Variants in TMPRSS11A observed in about 807,000 individuals in gnomAD.
TMPRSS11A encodes transmembrane protease serine 11A.
In TMPRSS11A, 53 loss-of-function variants were observed where a neutral mutation model predicts 58.9. The ratio of observed to expected loss-of-function variants is 0.90; its 90% CI spans 0.72 to 1.13. TMPRSS11A has a LOEUF of 1.13. TMPRSS11A is among the 50% of genes most tolerant of loss of function. TMPRSS11A has a pLI of 0.00. For missense variants in TMPRSS11A, 493 were observed against 499.3 expected (o/e 0.99, Z 0.12); for synonymous variants, 167 against 169.8 (o/e 0.98, Z 0.13).
In TMPRSS11A at chr4:67,941,536, A is replaced by G. The variant is rs61494642; in HGVS notation, c.252+2983T>C. ...TGTGTGTTACTCACATCTTTCCAAA[A>G]AGATTGGAAGCAATTTGAGGAGACA... On this transcript the variant is annotated intron_variant, in intron 3 of 9. Transcript: ENST00000508048. 8.9e-4 allele frequency among the ~76,000 whole-genome samples: 136 copies of G among 152,316 alleles called. 1 individual carries two copies. Among genetic ancestry groups the G allele is most frequent in the African/African-American group, 3.1e-3 (127 of 41,570 alleles).
In TMPRSS11A at chr4:67,922,846, G is replaced by C; in HGVS notation, c.601C>G (p.Gln201Glu). The C allele has an allele frequency of 3.7e-6, 6 of 1,614,122 alleles. No individual in the cohort carries two copies. Among genetic ancestry groups the C allele is most frequent in the Non-Finnish European group, 5.1e-6 (6 of 1,179,976 alleles). ...VIAPKAAWPW[Q>E]ASLQYDNIHQ... ...ATGTTATCATACTGAAGGGAAGCTT[G>C]CCAAGGCCAGGCCGCCTTGGGTGCA... Residue 201 changes from glutamine to glutamate, a missense_variant, in exon 7 of 10, where the codon CAA becomes GAA. By Grantham distance (29) the Gln-to-Glu change is conservative. Coordinates refer to ENST00000508048, the MANE Select transcript of TMPRSS11A (RefSeq NM_001114387.2).
At chr4:67,944,707 GC>G (rs1720961216) in intron 2 of TMPRSS11A, 70 bp from the exon 3 acceptor site, 1 of 1,310,986 alleles carries the variant, frequency 7.6e-7, no homozygotes, top group Admixed American at 2.1e-5. Flanking sequence ...TTACAATGGG[GC>G]CAATATAAAT....
rs1217910573 is a variant in TMPRSS11A, at chr4:67,922,791, T to C, written c.656A>G (p.Asn219Ser). The C allele has an allele frequency of 6.2e-7, 1 of 1,614,106 alleles. No homozygotes were observed. The highest frequency in any genetic ancestry group is 1.7e-5 in the Admixed American group (1 of 60,016). Reference sequence around the variant, plus strand: ...GTGTGCTGCAGTGACAAGCCATGTGTTACTAATCAAGGTGGCCCCACACTG... The same window carrying C: ...GTGTGCTGCAGTGACAAGCCATGTGCTACTAATCAAGGTGGCCCCACACTG... Reference protein sequence around the residue: ...IHQCGATLISNTWLVTAAHCF... With the variant: ...IHQCGATLISSTWLVTAAHCF... The change falls in exon 7 of 10, where the codon AAC (asparagine) becomes AGC (serine). Residue 219 changes from asparagine (N) to serine (S), a missense_variant. By Grantham distance (46) the Asn-to-Ser change is conservative. Transcript: ENST00000508048.
chr4:67,913,204 C>T (rs986064194), intron 9 of TMPRSS11A, among the ~76,000 whole-genome samples: 4 of 152,070 alleles, frequency 2.6e-5, no homozygotes, highest in Non-Finnish European at 5.9e-5. Context: ...CCCAAGAGTT[C>T]ATAGGTTGGG....
intron 1 of TMPRSS11A, among the ~76,000 whole-genome samples, chr4:67,957,594 T>C (rs1721317528): frequency 6.6e-6 from 1 of 152,310 alleles, no homozygotes; most frequent in South Asian, 2.1e-4. Flanking sequence ...TTGGGTGCTA[T>C]TAAGGCATTC....
intron 1 of TMPRSS11A, among the ~76,000 whole-genome samples, chr4:67,953,795 C>CA (rs11420763): frequency 0.31 from 44,296 of 143,992 alleles, 7,342 homozygotes; most frequent in East Asian, 0.5. Context: ...AACTCCATCT[C>CA]AAAAAAAAAA....
intron 3 of TMPRSS11A, among the ~76,000 whole-genome samples, chr4:67,933,022 T>C (rs1720666786): frequency 6.6e-6 from 1 of 151,928 alleles, no homozygotes; most frequent in African/African-American, 2.4e-5. Context: ...CTACAGTTCA[T>C]GTTGGACAGA....
intron 1 of TMPRSS11A, among the ~76,000 whole-genome samples, chr4:67,950,754 A>T (rs1183256714): frequency 6.6e-6 from 1 of 152,266 alleles, no homozygotes; most frequent in Non-Finnish European, 1.5e-5. Flanking sequence ...TTCGATGAGA[A>T]GGGAATTTTA....
intron 1 of TMPRSS11A, among the ~76,000 whole-genome samples, chr4:67,952,250 CAG>C (rs1414995806): frequency 6.6e-6 from 1 of 152,188 alleles, no homozygotes; most frequent in Non-Finnish European, 1.5e-5. Flanking sequence ...AGCCAGTACG[CAG>C]AGTTAGAACC....
rs1258793863 is a variant in TMPRSS11A at position 67,911,322 on chromosome 4, T to C, written c.*20A>G. On this transcript the variant is annotated 3_prime_UTR_variant, in exon 10 of 10. Coordinates refer to ENST00000508048, the MANE Select transcript of TMPRSS11A (RefSeq NM_001114387.2). Reference sequence around the variant, plus strand: ...TATATGACCTGCATACAGCTTTCTTTGTTTAACTTTTATCGTGAATTAGAT... The same window carrying C: ...TATATGACCTGCATACAGCTTTCTTCGTTTAACTTTTATCGTGAATTAGAT... The C allele has an allele frequency of 1.2e-6, 2 of 1,611,828 alleles. No individual in the cohort carries two copies. The highest frequency in any genetic ancestry group is 3.3e-5 in the Admixed American group (2 of 59,936).
rs149614368 is a variant in TMPRSS11A, at chr4:67,950,701, G to A, written c.12-4130C>T. 2.0e-5 allele frequency among the ~76,000 whole-genome samples: 3 copies of A among 152,314 alleles called. No homozygotes were observed. The East Asian group carries it at 5.8e-4, about 29-fold the overall frequency. ...CAGAAATCTACAGCCTTCAAAGAAA[G>A]CATGTGAGATTTAAATATTCTTTTA... is the stretch of plus-strand genomic sequence containing the variant. On this transcript the variant is annotated intron_variant, in intron 1 of 9. Transcript: ENST00000508048.
chr4:67,939,174 GTC>G (rs34309343), intron 3 of TMPRSS11A, among the ~76,000 whole-genome samples: 85,906 of 151,608 alleles, frequency 0.57, 25,785 homozygotes, highest in African/African-American at 0.73. Context: ...GTGTGTGTGT[GTC>G]GCTATTGAAA....
chr4:67,923,022 C>T, intron 6 of TMPRSS11A, 96 bp from the exon 7 acceptor site: 1 of 1,160,622 alleles, frequency 8.6e-7, no homozygotes, highest in Non-Finnish European at 1.2e-6. Flanking sequence ...TCGTATACTA[C>T]TCCTCCTGCC....
chr4:67,915,980 G>A (rs1720134404), intron 8 of TMPRSS11A, among the ~76,000 whole-genome samples: 1 of 152,166 alleles, frequency 6.6e-6, no homozygotes, highest in African/African-American at 2.4e-5. Context: ...CATGATGGAT[G>A]AGAGATCTCT....
At chr4:67,931,296 G>A (rs1218320785) in intron 4 of TMPRSS11A, among the ~76,000 whole-genome samples, 1 of 152,134 alleles carries the variant, frequency 6.6e-6, no homozygotes, top group Non-Finnish European at 1.5e-5. Flanking sequence ...CTATTGGTGA[G>A]AAAGGGATAA....
chr4:67,958,509 G>A (rs1411067442), intron 1 of TMPRSS11A, among the ~76,000 whole-genome samples: 1 of 152,190 alleles, frequency 6.6e-6, no homozygotes, highest in Non-Finnish European at 1.5e-5. Flanking sequence ...CTTCATTTTG[G>A]CCAATTTCTC....
At chr4:67,922,557 C>A (rs557465759) in intron 7 of TMPRSS11A, among the ~76,000 whole-genome samples, 198 bp downstream of exon 7, 9 of 152,118 alleles carry the variant, frequency 5.9e-5, no homozygotes, top group Admixed American at 2.0e-4. Context: ...TTGATGGATA[C>A]TAGGATAATG....
At chr4:67,916,537 A>G (rs993830206) in intron 8 of TMPRSS11A, among the ~76,000 whole-genome samples, 4 of 152,026 alleles carry the variant, frequency 2.6e-5, no homozygotes, top group East Asian at 3.9e-4. Context: ...AATTAAAAAC[A>G]TTCATGGCCT....
intron 8 of TMPRSS11A, among the ~76,000 whole-genome samples, chr4:67,916,061 G>T (rs1720136268): frequency 2.6e-5 from 4 of 152,026 alleles, no homozygotes; most frequent in Admixed American, 2.6e-4. Flanking sequence ...CCCCTGTAAA[G>T]ACCCCCAGCT....
Sources: gnomAD v4.1 joint callset for allele counts (sites outside exome capture counted in the v4.1 genomes callset) on GRCh38, gnomAD v4.1.1 for gene constraint, MANE v1.5 for transcripts, NCBI Gene and HGNC (gene_info 2026-07-23, HGNC 2026-07-21) for gene names.